Variants in DGKH observed in about 807,000 individuals in gnomAD.
DGKH encodes DAG kinase eta.
In DGKH, 90 loss-of-function variants were observed where a neutral mutation model predicts 159.3. The ratio of observed to expected loss-of-function variants is 0.57; its 90% confidence interval spans 0.48 to 0.67. DGKH has a LOEUF of 0.67. Ranked by LOEUF, DGKH falls within the 30% of genes least tolerant of loss-of-function variation. The probability of loss-of-function intolerance (pLI) is 0.00; values close to 1 mark genes in which losing one functional copy is unlikely to be tolerated. For missense variants in DGKH, 1,181 were observed against 1,506.1 expected, an observed-to-expected ratio of 0.78 and a Z score of 3.57; for synonymous variants, 536 against 553.8, an observed-to-expected ratio of 0.97 and a Z score of 0.45.
intron 11 of DGKH, among the ~76,000 whole-genome samples, chr13:42,172,688 T>G (rs1409973243): frequency 6.6e-6 from 1 of 152,204 alleles, no homozygotes; most frequent in East Asian, 1.9e-4. Flanking sequence ...CATCTTTTTC[T>G]TTGAGATGGA....
At chr13:42,115,751 G>A (rs1236084143) in intron 1 of DGKH, among the ~76,000 whole-genome samples, 1 of 152,176 alleles carries the variant, frequency 6.6e-6, no homozygotes, top group Non-Finnish European at 1.5e-5. Flanking sequence ...CAGCTAAGAG[G>A]TCTGGAATTA....
At chr13:42,133,530 C>CA (rs998155975) in intron 3 of DGKH, among the ~76,000 whole-genome samples, 13 of 151,562 alleles carry the variant, frequency 8.6e-5, no homozygotes, top group Admixed American at 1.3e-4. Flanking sequence ...CCCTTCTCTA[C>CA]AAAAAAAATC....
At chr13:42,096,969 A>C (rs1954551604) in intron 1 of DGKH, among the ~76,000 whole-genome samples, 2 of 152,194 alleles carry the variant, frequency 1.3e-5, no homozygotes, top group Admixed American at 1.3e-4. Flanking sequence ...GAAGCCATTT[A>C]TCTCTCAGAC....
At chr13:42,069,311 G>T in intron 1 of DGKH, 1 of 1,154,924 alleles carries the variant, frequency 8.7e-7, no homozygotes, top group Non-Finnish European at 1.3e-6. Flanking sequence ...CAAACTGGCT[G>T]TCCCAAGAAG....
intron 23 of DGKH, 81 bp from the exon 24 acceptor site, chr13:42,210,521 T>G: frequency 7.4e-7 from 1 of 1,346,948 alleles, no homozygotes. Flanking sequence ...GAAAAAGCAA[T>G]TGTAGTTTTA....
chr13:42,053,041 A>C (rs748405810), intron 1 of DGKH, among the ~76,000 whole-genome samples: 38 of 152,208 alleles, frequency 2.5e-4, no homozygotes, highest in Non-Finnish European at 5.3e-4. Flanking sequence ...ATTTTGCATC[A>C]ACATTTTATC....
chr13:42,048,359 C>G (rs1175946016), upstream of DGKH, among the ~76,000 whole-genome samples: 2 of 151,972 alleles, frequency 1.3e-5, no homozygotes, highest in Admixed American at 1.3e-4. The surrounding 1 kb of genome is among the most constrained non-coding windows in gnomAD (Gnocchi z 6.7). Context: ...ATCGCCACTA[C>G]GGGGTGGGCT....
chr13:42,051,805 A>G (rs1400150438), intron 1 of DGKH, among the ~76,000 whole-genome samples: 2 of 151,934 alleles, frequency 1.3e-5, no homozygotes, highest in African/African-American at 4.8e-5. Context: ...AGCTGGGATT[A>G]CAGGCATGCG....
At chr13:42,164,941 A>T (rs1417119991) in intron 7 of DGKH, among the ~76,000 whole-genome samples, 1 of 152,136 alleles carries the variant, frequency 6.6e-6, no homozygotes, top group African/African-American at 2.4e-5. Context: ...ATGTTCTGTC[A>T]TCAATTTATT....
intron 1 of DGKH, among the ~76,000 whole-genome samples, chr13:42,110,713 T>C (rs1412708915): frequency 1.3e-5 from 2 of 150,284 alleles, no homozygotes; most frequent in Admixed American, 6.6e-5. Context: ...TGTGTTCACA[T>C]TTGAGAAAGA....
rs71096557 is a variant in DGKH at position 42,135,507 on chromosome 13, A to AAAAAAAAAG, written c.384+5876_384+5877insAAAAAAAGA. Among the ~76,000 whole-genome samples the AAAAAAAAAG allele has an allele frequency of 3.1e-3, 346 of 113,340 alleles. 6 individuals carry two copies. Among genetic ancestry groups the AAAAAAAAAG allele is most frequent in the East Asian group, 0.028 (120 of 4,348 alleles). The allele number at this position is 113,340 out of a possible 152,430, so 74.4% of individuals were successfully genotyped here. The stretch of plus-strand genomic sequence containing the variant: ...CCTGTCTCAGAAAAAAAAAAAAAAA[A>AAAAAAAAAG]AGAGAGAGAGAGAAAAAGAAAAAAA... On this transcript the variant is annotated intron_variant, in intron 3 of 29. Coordinates refer to ENST00000337343, the MANE Select transcript of DGKH (RefSeq NM_178009.5).
chr13:42,195,165 C>T, intron 17 of DGKH, 149 bp downstream of exon 17: 5 of 1,144,868 alleles, frequency 4.4e-6, no homozygotes, highest in South Asian at 1.7e-5. Flanking sequence ...AATCCAGGCC[C>T]TTAGATTCTT....
At chr13:42,209,535 T>G in intron 23 of DGKH, 70 bp downstream of exon 23, 1 of 1,433,262 alleles carries the variant, frequency 7.0e-7, no homozygotes, top group Non-Finnish European at 9.2e-7. Flanking sequence ...TATAAAAAAA[T>G]AGAAAATGAA....
intron 17 of DGKH, among the ~76,000 whole-genome samples, chr13:42,197,446 G>A (rs1377144892): frequency 6.6e-6 from 1 of 151,836 alleles, no homozygotes; most frequent in Non-Finnish European, 1.5e-5. Flanking sequence ...GACATTAAAC[G>A]AAAGAACAAA....
intron 1 of DGKH, among the ~76,000 whole-genome samples, chr13:42,074,614 T>C (rs1005117547): frequency 6.6e-6 from 1 of 151,936 alleles, no homozygotes; most frequent in Non-Finnish European, 1.5e-5. Flanking sequence ...AAATGATGTA[T>C]CAAAACAGGC....
chr13:42,087,147 C>A (rs1470177744), intron 1 of DGKH, among the ~76,000 whole-genome samples: 1 of 151,606 alleles, frequency 6.6e-6, no homozygotes, highest in Non-Finnish European at 1.5e-5. Flanking sequence ...AGTTCATATT[C>A]CCACTGGACA....
chr13:42,195,129 A>G (rs1389531162), intron 17 of DGKH, 113 bp downstream of exon 17: 24 of 1,345,634 alleles, frequency 1.8e-5, no homozygotes, highest in Non-Finnish European at 2.4e-5. Flanking sequence ...TCTTTAGTAG[A>G]ATGTTCTTGT....
intron 26 of DGKH, 116 bp downstream of exon 26, chr13:42,215,783 A>G (rs1957775682): frequency 2.3e-6 from 2 of 860,288 alleles, no homozygotes; most frequent in Non-Finnish European, 3.6e-6. Context: ...TCTGGCTTCC[A>G]TCCTGAGAGC....
intron 1 of DGKH, among the ~76,000 whole-genome samples, chr13:42,102,670 G>A (rs931833869): frequency 6.6e-6 from 1 of 152,244 alleles, no homozygotes; most frequent in African/African-American, 2.4e-5. Flanking sequence ...GCCCAGATGG[G>A]GGAGAGGAGA....
Sources: allele counts gnomAD v4.1 joint callset (sites outside exome capture counted in the v4.1 genomes callset), GRCh38; gene constraint gnomAD v4.1.1; non-coding constraint Gnocchi (gnomAD v3.1); transcripts MANE v1.5; gene names NCBI Gene and HGNC (gene_info 2026-07-23, HGNC 2026-07-21).